The following PPP1R14A variants were observed in gnomAD, a reference collection of about 807,000 sequenced individuals.
PPP1R14A encodes the protein protein phosphatase 1 regulatory subunit 14A.
In PPP1R14A, 9 loss-of-function variants were observed where a neutral mutation model predicts 14.1. The observed-to-expected ratio is 0.64, with a 90% confidence interval of 0.38 to 1.11. PPP1R14A has a LOEUF of 1.11. PPP1R14A is among the 50% of genes most tolerant of loss of function. The probability of loss-of-function intolerance (pLI) is 0.01; values close to 1 mark genes in which losing one functional copy is unlikely to be tolerated. For synonymous variants in PPP1R14A, 93 were observed against 88.7 expected, an observed-to-expected ratio of 1.05 and a Z score of -0.27; for missense variants, 208 against 200.7, an observed-to-expected ratio of 1.04 and a Z score of -0.22.
At chr19:38,253,195 A>G in intron 1 of PPP1R14A, 1 of 510,820 alleles carries the variant, frequency 2.0e-6, no homozygotes, top group Non-Finnish European at 3.5e-6. Flanking sequence ...TACCAGCCCG[A>G]TGCCTGGGCC....
chr19:38,252,956 C>T lies in PPP1R14A; in HGVS notation c.220G>A (p.Glu74Lys), dbSNP rs376417732. ...TCCAACAATTCATCAATGTTGATCT[C>T]ATCGGGCATGTCTGCCTCCTAGGGC... ...YRGMEADMPDEINIDELLELE... is the reference protein window; with the variant it reads ...YRGMEADMPDKINIDELLELE... The change falls in exon 2 of 4, where the codon GAG becomes AAG. Residue 74 changes from glutamate (E) to lysine (K), a missense_variant. Transcript: ENST00000301242. This position sits in a 1 kb window ranked among gnomAD's most constrained non-coding sequence, Gnocchi z 4.1. 2.2e-5 allele frequency: 35 copies of T among 1,613,908 alleles called. No homozygotes were observed. The highest frequency in any genetic ancestry group is 2.7e-5 in the Non-Finnish European group (32 of 1,179,918).
At chr19:38,254,463 C>T (rs1266926585) in intron 1 of PPP1R14A, among the ~76,000 whole-genome samples, 3 of 151,896 alleles carry the variant, frequency 2.0e-5, no homozygotes, top group South Asian at 4.1e-4. Flanking sequence ...TGCCACCATG[C>T]CCGGCTAATT....
At chr19:38,251,471 A>G in intron 3 of PPP1R14A, 25 bp from the exon 4 acceptor site, 1 of 1,546,952 alleles carries the variant, frequency 6.5e-7, no homozygotes, top group East Asian at 2.5e-5. Flanking sequence ...GGGAGCTGAG[A>G]ACATGGGAAC....
chr19:38,253,784 G>T (rs1288236810), intron 1 of PPP1R14A, among the ~76,000 whole-genome samples: 1 of 152,234 alleles, frequency 6.6e-6, no homozygotes, highest in Non-Finnish European at 1.5e-5. Context: ...TGGTGAAGGG[G>T]CTTCAGCAAG....
At position 38,252,218 on chromosome 19, in the gene PPP1R14A, C is replaced by G; in HGVS notation, c.315+88G>C. ...GGGTGGTGGGGCCGGGTGGTGTTCCCCAGAGACCCTTCTGCCAGCTTCTTC... is the reference window on the plus strand; with the variant it reads ...GGGTGGTGGGGCCGGGTGGTGTTCCGCAGAGACCCTTCTGCCAGCTTCTTC... On this transcript the variant is annotated intron_variant, in intron 3 of 3. Coordinates refer to ENST00000301242, the MANE Select transcript of PPP1R14A (RefSeq NM_033256.3). The surrounding 1 kb of genome is among the most constrained non-coding windows in gnomAD (Gnocchi z 4.1). 7.3e-7 allele frequency: 1 copy of G among 1,366,704 alleles called. No homozygotes were observed. The highest frequency in any genetic ancestry group is 1.0e-6 in the Non-Finnish European group (1 of 978,578). 84.7% of individuals were successfully genotyped at this position (1,366,704 alleles called of 1,614,324 possible).
chr19:38,251,994 GA>G (rs2146254923), intron 3 of PPP1R14A: 1 of 457,808 alleles, frequency 2.2e-6, no homozygotes, highest in Non-Finnish European at 3.9e-6. Context: ...CGGAGGCAGT[GA>G]CAGGGGAGGA....
rs771155148 is a variant in PPP1R14A, at chr19:38,252,245, C to T, written c.315+61G>A. ...AGAGACCCTTCTGCCAGCTTCTTCC[C>T]CCTCCCCCATCAGAGTACTTGGGGC... On this transcript the variant is annotated intron_variant, in intron 3 of 3. Coordinates refer to ENST00000301242, the MANE Select transcript of PPP1R14A (RefSeq NM_033256.3). This position sits in a 1 kb window ranked among gnomAD's most constrained non-coding sequence, Gnocchi z 4.1. The T allele has an allele frequency of 9.7e-6, 15 of 1,551,764 alleles. No homozygotes were observed. The highest frequency in any genetic ancestry group is 6.8e-5 in the East Asian group (3 of 43,892).
rs373864331 is a variant in PPP1R14A, at chr19:38,256,312, C to T, written c.28G>A (p.Val10Met). MAAQRLGKR[V>M]LSKLQSPSRA... ...GATGGAGACTGCAGCTTGCTCAGCA[C>T]GCGCTTGCCCAGCCGCTGAGCTGCC... Residue 10 changes from valine (V) to methionine (M), a missense_variant, in exon 1 of 4, where the codon GTG becomes ATG. Coordinates refer to ENST00000301242, the MANE Select transcript of PPP1R14A (RefSeq NM_033256.3). This position sits in a 1 kb window ranked among gnomAD's most constrained non-coding sequence, Gnocchi z 5.7. 1.6e-3 allele frequency: 2,473 copies of T among 1,513,554 alleles called. 9 individuals carry two copies. Among genetic ancestry groups the T allele is most frequent in the Admixed American group, 3.4e-3 (166 of 49,016 alleles). 93.8% of individuals were successfully genotyped at this position (1,513,554 alleles called of 1,614,324 possible).
In PPP1R14A at chr19:38,256,015, G is replaced by C. The variant is rs890136412; in HGVS notation, c.201+124C>G. 6 of 883,490 alleles carry C rather than the reference G, an allele frequency of 6.8e-6. No individual in the cohort carries two copies. In the East Asian group the frequency reaches 1.7e-4, roughly 25 times the overall value. The allele number at this position is 883,490 out of a possible 1,614,324, so 54.7% of individuals were successfully genotyped here. ...ATGAGTGCCCGGCCCTGGGGCGCTC[G>C]TCCTCTTGTGCAGACCAGGCTGGCC... On this transcript the variant is annotated intron_variant, in intron 1 of 3. Transcript: ENST00000301242. This position sits in a 1 kb window ranked among gnomAD's most constrained non-coding sequence, Gnocchi z 5.7.
chr19:38,255,840 G>A (rs1373050110), intron 1 of PPP1R14A, among the ~76,000 whole-genome samples: 1 of 151,888 alleles, frequency 6.6e-6, no homozygotes, highest in Non-Finnish European at 1.5e-5. Context: ...CAGACGTGGC[G>A]GTTTCAGCTC....
chr19:38,251,727 A>G, intron 3 of PPP1R14A: 1 of 476,452 alleles, frequency 2.1e-6, no homozygotes, highest in Non-Finnish European at 3.6e-6. Context: ...AGACACAGAA[A>G]CAGAGAGACA....
Position 38,256,017 on chromosome 19 carries a change from C to T in PPP1R14A, c.201+122G>A. 1.1e-6 allele frequency: 1 copy of T among 901,982 alleles called. No homozygotes were observed. Among genetic ancestry groups the T allele is most frequent in the East Asian group, 2.8e-5 (1 of 35,860 alleles). The allele number at this position is 901,982 out of a possible 1,614,324, so 55.9% of individuals were successfully genotyped here. Reference sequence around the variant, plus strand: ...GAGTGCCCGGCCCTGGGGCGCTCGTCCTCTTGTGCAGACCAGGCTGGCCGT... The same window carrying T: ...GAGTGCCCGGCCCTGGGGCGCTCGTTCTCTTGTGCAGACCAGGCTGGCCGT... On this transcript the variant is annotated intron_variant, in intron 1 of 3. Coordinates refer to ENST00000301242, the MANE Select transcript of PPP1R14A (RefSeq NM_033256.3). The surrounding 1 kb of genome is among the most constrained non-coding windows in gnomAD (Gnocchi z 5.7).
Position 38,252,960 on chromosome 19 carries a change from G to A in PPP1R14A, c.216C>T (p.Pro72=), listed in dbSNP as rs755424613. 19 of 1,613,652 alleles carry A rather than the reference G, an allele frequency of 1.2e-5. No homozygotes were observed. The highest frequency in any genetic ancestry group is 2.2e-5 in the East Asian group (1 of 44,858). ...ACAATTCATCAATGTTGATCTCATC[G>A]GGCATGTCTGCCTCCTAGGGCCAGG... ...ELYRGMEADM[P]DEINIDELLE... The change falls in exon 2 of 4, where the codon CCC becomes CCT. Residue 72 remains proline, a synonymous_variant. Coordinates refer to ENST00000301242, the MANE Select transcript of PPP1R14A (RefSeq NM_033256.3). This position sits in a 1 kb window ranked among gnomAD's most constrained non-coding sequence, Gnocchi z 4.1.
chr19:38,255,463 G>A (rs954607827), intron 1 of PPP1R14A, among the ~76,000 whole-genome samples: 3 of 152,304 alleles, frequency 2.0e-5, no homozygotes, highest in Admixed American at 6.5e-5. Context: ...CAGCGCTTGT[G>A]CTTGAAGGTG....
In PPP1R14A at chr19:38,252,323, A is replaced by G. The variant is rs371894777; in HGVS notation, c.298T>C (p.Cys100Arg). The change falls in exon 3 of 4, where the codon TGT (cysteine) becomes CGT (arginine). Residue 100 changes from cysteine (C) to arginine (R), a missense_variant. Coordinates refer to ENST00000301242, the MANE Select transcript of PPP1R14A (RefSeq NM_033256.3). This position sits in a 1 kb window ranked among gnomAD's most constrained non-coding sequence, Gnocchi z 4.1. Reference sequence around the variant, plus strand: ...AAACTCACCTCGACAGGTTTCCCACATGACTTCAGGAGTCCCTAAAACCCC... The same window carrying G: ...AAACTCACCTCGACAGGTTTCCCACGTGACTTCAGGAGTCCCTAAAACCCC... ...SRKIQGLLKS[C>R]GKPVEDFIQE... 3.0e-5 allele frequency: 48 copies of G among 1,612,670 alleles called. No individual in the cohort carries two copies. The highest frequency in any genetic ancestry group is 1.6e-4 in the Middle Eastern group (1 of 6,084).
chr19:38,252,648 C>T lies in PPP1R14A; in HGVS notation c.282+246G>A, dbSNP rs1968202894. On this transcript the variant is annotated intron_variant, in intron 2 of 3. Transcript: ENST00000301242. The surrounding 1 kb of genome is among the most constrained non-coding windows in gnomAD (Gnocchi z 4.1). ...CTGGGTTCGATGCCCAGCTCTGCTCCTTCTGAGCTGTGTGACACTGGGCAA... is the reference window on the plus strand; with the variant it reads ...CTGGGTTCGATGCCCAGCTCTGCTCTTTCTGAGCTGTGTGACACTGGGCAA... 6.6e-6 allele frequency among the ~76,000 whole-genome samples: 1 copy of T among 152,132 alleles called. No homozygotes were observed. The highest frequency in any genetic ancestry group is 1.5e-5 in the Non-Finnish European group (1 of 68,028).
intron 1 of PPP1R14A, 46 bp from the exon 2 acceptor site, chr19:38,253,020 C>A (rs748032867): frequency 6.8e-7 from 1 of 1,479,232 alleles, no homozygotes; most frequent in East Asian, 2.3e-5. Context: ...TTCCCTCCCT[C>A]CCTCGCCTTT....
rs1466955601 is a variant in PPP1R14A, at chr19:38,252,955, T to A, written c.221A>T (p.Glu74Val). The A allele has an allele frequency of 1.6e-5, 26 of 1,613,886 alleles. No homozygotes were observed. The highest frequency in any genetic ancestry group is 2.2e-5 in the Non-Finnish European group (26 of 1,179,908). ...YRGMEADMPD[E>V]INIDELLELE... is the part of the protein sequence containing the mutation. ...CTCCAACAATTCATCAATGTTGATCTCATCGGGCATGTCTGCCTCCTAGGG... is the reference window on the plus strand; with the variant it reads ...CTCCAACAATTCATCAATGTTGATCACATCGGGCATGTCTGCCTCCTAGGG... The change falls in exon 2 of 4, where the codon GAG (glutamate) becomes GTG (valine). Residue 74 changes from glutamate (E) to valine (V), a missense_variant. Glu to Val is a moderately radical substitution (Grantham distance 121). Coordinates refer to ENST00000301242, the MANE Select transcript of PPP1R14A (RefSeq NM_033256.3). The surrounding 1 kb of genome is among the most constrained non-coding windows in gnomAD (Gnocchi z 4.1).
chr19:38,251,292 C>CG lies in PPP1R14A; in HGVS notation c.*25dup, dbSNP rs113786683. The CG allele has an allele frequency of 1.5e-4, 218 of 1,435,230 alleles. 2 individuals are homozygous for CG. Among genetic ancestry groups the CG allele is most frequent in the African/African-American group, 9.3e-4 (62 of 66,736 alleles). The allele number at this position is 1,435,230 out of a possible 1,614,324, so 88.9% of individuals were successfully genotyped here. On this transcript the variant is annotated 3_prime_UTR_variant, in exon 4 of 4. Transcript: ENST00000301242. ...ATACACAAGCAAGCTGGGCGGCGTC[C>CG]GGGGGGCAGGGAGAGTGCAAGAGGG...
Sources: allele counts gnomAD v4.1 joint callset (sites outside exome capture counted in the v4.1 genomes callset), GRCh38; gene constraint gnomAD v4.1.1; non-coding constraint Gnocchi (gnomAD v3.1); transcripts MANE v1.5; gene names NCBI Gene and HGNC (gene_info 2026-07-23, HGNC 2026-07-21).